CMC1: variants seen among roughly 807,000 people sequenced by gnomAD.
CMC1 encodes the protein COX assembly mitochondrial protein homolog.
In CMC1, 14 loss-of-function variants were observed where a neutral mutation model predicts 14.1. The observed-to-expected ratio is 0.99, with a 90% CI of 0.66 to 1.55. The LOEUF (loss-of-function observed/expected upper bound fraction) is 1.55. Ranked by LOEUF, CMC1 falls within the 40% of genes most tolerant of loss-of-function variation. The probability of loss-of-function intolerance (pLI) is 0.00; values close to 1 mark genes in which losing one functional copy is unlikely to be tolerated. For missense variants in CMC1, 127 were observed against 123.8 expected (o/e 1.03, Z -0.12); for synonymous variants, 50 against 38.4 (o/e 1.30, Z -1.12).
intron 2 of CMC1, among the ~76,000 whole-genome samples, chr3:28,272,006 A>G (rs192630886): frequency 4.3e-4 from 66 of 152,220 alleles, no homozygotes; most frequent in Non-Finnish European, 7.4e-4. Flanking sequence ...GAGTTCATTC[A>G]TGATTTGGCT....
intron 2 of CMC1, among the ~76,000 whole-genome samples, chr3:28,297,648 T>G (rs916090961): frequency 6.6e-6 from 1 of 152,118 alleles, no homozygotes. Context: ...AGACATGTTT[T>G]GTTTTTCCTC....
Position 28,319,539 on chromosome 3 carries a change from C to A in CMC1, c.231C>A (p.Cys77Ter), listed in dbSNP as rs762250361. 8 of 1,604,764 alleles carry A rather than the reference C, an allele frequency of 5.0e-6. No homozygotes were observed. Among genetic ancestry groups the A allele is most frequent in the Non-Finnish European group, 6.8e-6 (8 of 1,173,918 alleles). ...ATGATCCAGCCTTTTATGAAGAATG[C>A]AAAATGGAATACCTGAAGGAAAGGG... ...YYNDPAFYEE[C>*]KMEYLKEREE... Residue 77 changes from cysteine (C) to a stop codon, truncating the protein, a stop_gained, in exon 4 of 4, where the codon TGC becomes TGA. Transcript: ENST00000466830. LOFTEE classifies it high-confidence loss of function.
Position 28,263,303 on chromosome 3 carries a change from G to A in CMC1, c.32G>A (p.Arg11Lys), listed in dbSNP as rs201002184. ...TTTTTTTTTTCAGACCAGCATCTCA[G>A]ACATGTCGAAAAAGATGTTTTGATC... MALDPADQHL[R>K]HVEKDVLIPK... The change falls in exon 2 of 4, where the codon AGA (arginine) becomes AAA (lysine). Residue 11 changes from arginine to lysine, a missense_variant. Physicochemically the swap from Arg to Lys is conservative, Grantham distance 26. Coordinates refer to ENST00000466830, the MANE Select transcript of CMC1 (RefSeq NM_182523.2). The A allele has an allele frequency of 6.2e-7, 1 of 1,603,674 alleles. No individual in the cohort carries two copies. Among genetic ancestry groups the A allele is most frequent in the Non-Finnish European group, 8.5e-7 (1 of 1,175,660 alleles).
intron 1 of CMC1, among the ~76,000 whole-genome samples, chr3:28,256,529 GA>G (rs1320611243): frequency 1.3e-5 from 2 of 152,114 alleles, no homozygotes; most frequent in Non-Finnish European, 2.9e-5. Context: ...TAACCCAGCC[GA>G]ACTGACACAT....
At chr3:28,308,198 GA>G (rs112599193) in intron 2 of CMC1, among the ~76,000 whole-genome samples, 2,222 of 151,890 alleles carry the variant, frequency 0.015, 52 homozygotes, top group African/African-American at 0.05. Flanking sequence ...CATCTTTGGG[GA>G]CTATTATGCT....
At position 28,321,673 on chromosome 3, in the gene CMC1, C is replaced by G. The variant is rs1461431779; in HGVS notation, c.*2044C>G. ...TAGCCTTTCTGAATTAAGATCAGTA[C>G]TTTGTTGTCACATGATTCAGCTCTT... On this transcript the variant is annotated 3_prime_UTR_variant, in exon 4 of 4. Coordinates refer to ENST00000466830, the MANE Select transcript of CMC1 (RefSeq NM_182523.2). 6.6e-6 allele frequency: 1 copy of G among 150,638 alleles called. No homozygotes were observed. The highest frequency in any genetic ancestry group is 2.4e-5 in the African/African-American group (1 of 41,256). 9.3% of individuals were successfully genotyped at this position (150,638 alleles called of 1,614,324 possible).
rs757646681 is a variant in CMC1 at position 28,324,442 on chromosome 3, A to G, written c.*4813A>G. ...TCTTCCAAGGTCTTCACTGCATCCT[A>G]CAGGGGCACAGGCTAAAAAGAAAAC... On this transcript the variant is annotated 3_prime_UTR_variant, in exon 4 of 4. Coordinates refer to ENST00000466830, the MANE Select transcript of CMC1 (RefSeq NM_182523.2). 5 of 1,480,036 alleles carry G rather than the reference A, an allele frequency of 3.4e-6. No individual in the cohort carries two copies. Among genetic ancestry groups the G allele is most frequent in the East Asian group, 2.3e-5 (1 of 43,688 alleles). The allele number at this position is 1,480,036 out of a possible 1,614,324, so 91.7% of individuals were successfully genotyped here. A position where few individuals can be genotyped will look rare whatever the true frequency, so the allele number is the denominator to read the frequency against.
chr3:28,291,663 T>C (rs1158667590), intron 2 of CMC1: 3 of 152,194 alleles, frequency 2.0e-5, no homozygotes, highest in African/African-American at 7.2e-5. Flanking sequence ...GCTGTTTCTC[T>C]GAAAAATTGT....
At chr3:28,262,351 C>T (rs1699775293) in intron 1 of CMC1, among the ~76,000 whole-genome samples, 1 of 152,004 alleles carries the variant, frequency 6.6e-6, no homozygotes, top group African/African-American at 2.4e-5. Flanking sequence ...AATCTAAAAT[C>T]TTCTTTCCTA....
chr3:28,289,701 C>G (rs1701371085), intron 2 of CMC1, among the ~76,000 whole-genome samples: 1 of 152,076 alleles, frequency 6.6e-6, no homozygotes, highest in Non-Finnish European at 1.5e-5. Context: ...TTCAATACCT[C>G]TACTCTACTT....
chr3:28,271,730 G>T (rs1008589002), intron 2 of CMC1, among the ~76,000 whole-genome samples: 1 of 152,128 alleles, frequency 6.6e-6, no homozygotes, highest in African/African-American at 2.4e-5. Flanking sequence ...TTCTAATTCT[G>T]TGAAATTTTT....
At chr3:28,305,116 T>C (rs767674943) in intron 2 of CMC1, among the ~76,000 whole-genome samples, 5 of 152,150 alleles carry the variant, frequency 3.3e-5, no homozygotes, top group Non-Finnish European at 7.4e-5. Flanking sequence ...CCCCAGTATC[T>C]ATAATTTATA....
At chr3:28,304,093 C>G (rs1264263959) in intron 2 of CMC1, among the ~76,000 whole-genome samples, 1 of 152,014 alleles carries the variant, frequency 6.6e-6, no homozygotes, top group African/African-American at 2.4e-5. Context: ...CCAACATGGT[C>G]ACCATTAGAC....
chr3:28,298,273 C>T (rs886689004), intron 2 of CMC1: 1 of 151,638 alleles, frequency 6.6e-6, no homozygotes, highest in Non-Finnish European at 1.5e-5. Context: ...TTCCAGATTA[C>T]TTTGCTTAAT....
chr3:28,256,512 G>T (rs1699418195), intron 1 of CMC1, among the ~76,000 whole-genome samples: 1 of 152,080 alleles, frequency 6.6e-6, no homozygotes, highest in Non-Finnish European at 1.5e-5. Context: ...TGAATAACTG[G>T]GGGCTATAAC....
At position 28,263,503 on chromosome 3, in the gene CMC1, C is replaced by T. The variant is rs951193785; in HGVS notation, c.109+123C>T. On this transcript the variant is annotated intron_variant, in intron 2 of 3. Coordinates refer to ENST00000466830, the MANE Select transcript of CMC1 (RefSeq NM_182523.2). ...ATGTATGAATTGCTTCTCACCCTTTCGCTGAAATACCAGTATTTCAGCTTT... is the reference window on the plus strand; with the variant it reads ...ATGTATGAATTGCTTCTCACCCTTTTGCTGAAATACCAGTATTTCAGCTTT... 5.6e-5 allele frequency: 31 copies of T among 557,220 alleles called. No homozygotes were observed. In the Middle Eastern group the frequency reaches 1.0e-3, roughly 18 times the overall value. The allele number at this position is 557,220 out of a possible 1,614,324, so 34.5% of individuals were successfully genotyped here.
At chr3:28,313,670 A>G (rs1702751472) in intron 2 of CMC1, among the ~76,000 whole-genome samples, 5 of 152,186 alleles carry the variant, frequency 3.3e-5, no homozygotes, top group Non-Finnish European at 7.3e-5. Flanking sequence ...ACTCCTGAAG[A>G]TATTTGGACA....
Position 28,241,673 on chromosome 3 carries a change from T to C in CMC1, c.-121T>C. On this transcript the variant is annotated 5_prime_UTR_variant, in exon 1 of 4. Transcript: ENST00000466830. ...GGCGGTGCTTTGCAAAGGGCCCGTG[T>C]TTCTGTTGCGGGAAGCTCCCGGGGG... 8.1e-7 allele frequency: 1 copy of C among 1,235,164 alleles called. No individual in the cohort carries two copies. The highest frequency in any genetic ancestry group is 1.0e-6 in the Non-Finnish European group (1 of 987,846). The allele number at this position is 1,235,164 out of a possible 1,614,324, so 76.5% of individuals were successfully genotyped here.
intron 1 of CMC1, among the ~76,000 whole-genome samples, chr3:28,256,181 A>T (rs1699395840): frequency 6.6e-6 from 1 of 150,878 alleles, no homozygotes; most frequent in Non-Finnish European, 1.5e-5. Flanking sequence ...ATATACACAC[A>T]TATGCATATA....
Sources: gnomAD v4.1 joint callset for allele counts (sites outside exome capture counted in the v4.1 genomes callset) on GRCh38, gnomAD v4.1.1 for gene constraint, MANE v1.5 for transcripts, NCBI Gene and HGNC (gene_info 2026-07-23, HGNC 2026-07-21) for gene names.